The following CBX5 variants were observed in gnomAD, a reference collection of about 807,000 sequenced individuals.
The protein encoded by CBX5 is chromobox protein homolog 5.
Under a neutral mutation model 20.7 loss-of-function variants are expected in CBX5, and 7 were observed. The observed-to-expected ratio is 0.34, with a 90% CI of 0.19 to 0.63. CBX5 has a LOEUF of 0.63. CBX5 is among the 30% of genes least tolerant of loss of function. The probability of loss-of-function intolerance (pLI) is 0.75; values close to 1 mark genes in which losing one functional copy is unlikely to be tolerated. For synonymous variants in CBX5, 78 were observed against 77.0 expected, an observed-to-expected ratio of 1.01 and a Z score of -0.07; for missense variants, 110 against 224.1, an observed-to-expected ratio of 0.49 and a Z score of 3.25.
intron 1 of CBX5, chr12:54,273,510 T>A (rs1226317315): frequency 6.6e-6 from 1 of 152,206 alleles, no homozygotes; most frequent in Non-Finnish European, 1.5e-5. Flanking sequence ...ATATTTTAAA[T>A]CTGCTCTCTC....
rs1308975994 is a variant in CBX5 at position 54,240,017 on chromosome 12, G to C, written c.*1738C>G. ...GGTAGATGCTCCTGGCCAGACAGCT[G>C]TATGTTTTAAAAATCAAAAACAACA... On this transcript the variant is annotated 3_prime_UTR_variant, in exon 5 of 5. Transcript: ENST00000209875. 1 of 152,168 alleles carries C rather than the reference G, an allele frequency of 6.6e-6. No homozygotes were observed. The highest frequency in any genetic ancestry group is 1.5e-5 in the Non-Finnish European group (1 of 68,036). 9.4% of individuals were successfully genotyped at this position (152,168 alleles called of 1,614,324 possible). A position where few individuals can be genotyped will look rare whatever the true frequency, so the allele number is the denominator to read the frequency against.
At chr12:54,257,394 T>G in intron 2 of CBX5, 120 bp downstream of exon 2, 1 of 962,988 alleles carries the variant, frequency 1.0e-6, no homozygotes, top group Non-Finnish European at 1.6e-6. Flanking sequence ...GTCTTCTAAC[T>G]CTTAGGAAGA....
rs1304955968 is a variant in CBX5 at position 54,231,884 on chromosome 12, G to C, written c.*9871C>G. On this transcript the variant is annotated 3_prime_UTR_variant, in exon 5 of 5. Coordinates refer to ENST00000209875, the MANE Select transcript of CBX5 (RefSeq NM_012117.3). ...GGTGGTCACATTTATTCAATCAGCT[G>C]GTCCCTATGAGGAAGGAGAGGCCCA... 3 of 152,050 alleles carry C rather than the reference G, an allele frequency of 2.0e-5. No homozygotes were observed. The highest frequency in any genetic ancestry group is 7.3e-5 in the African/African-American group (3 of 41,266). 9.4% of individuals were successfully genotyped at this position (152,050 alleles called of 1,614,324 possible).
intron 1 of CBX5, among the ~76,000 whole-genome samples, chr12:54,274,652 CAA>C (rs2137032955): frequency 1.3e-5 from 2 of 152,194 alleles, no homozygotes; most frequent in Admixed American, 6.5e-5. Context: ...TTAAAGACCT[CAA>C]TAGAGCCGGG....
chr12:54,272,681 T>C (rs1197810718), intron 1 of CBX5: 3 of 152,234 alleles, frequency 2.0e-5, no homozygotes, highest in Admixed American at 6.5e-5. Context: ...AGCTCAGTCT[T>C]CCATCCTTCA....
chr12:54,261,205 A>G (rs1395526756), intron 1 of CBX5, among the ~76,000 whole-genome samples: 1 of 151,582 alleles, frequency 6.6e-6, no homozygotes, highest in African/African-American at 2.4e-5. Context: ...AAAAAAAAAA[A>G]GAACTCAGTT....
At chr12:54,279,412 G>A (rs1361322566) in intron 1 of CBX5, among the ~76,000 whole-genome samples, 2 of 152,110 alleles carry the variant, frequency 1.3e-5, no homozygotes, top group Admixed American at 6.5e-5. Context: ...GAGGTGTATG[G>A]GACTGAGGCC....
chr12:54,236,954 C>T lies in CBX5; in HGVS notation c.*4801G>A, dbSNP rs1395829558. ...GCCTGAACATAGGGAAAATGGACTG[C>T]TGGGTGGCTACAGAACAGGAATGAA... is the stretch of plus-strand genomic sequence containing the variant. On this transcript the variant is annotated 3_prime_UTR_variant, in exon 5 of 5. Transcript: ENST00000209875. The T allele has an allele frequency of 6.6e-6, 1 of 152,172 alleles. No individual in the cohort carries two copies. Among genetic ancestry groups the T allele is most frequent in the Non-Finnish European group, 1.5e-5 (1 of 68,038 alleles). 9.4% of individuals were successfully genotyped at this position (152,172 alleles called of 1,614,324 possible).
chr12:54,252,251 TAA>T (rs748820409), intron 2 of CBX5, 24 bp from the exon 3 acceptor site: 18 of 1,023,418 alleles, frequency 1.8e-5, no homozygotes, highest in South Asian at 7.1e-5. Context: ...ATGGGAAAAT[TAA>T]AAAAAAAAGG....
At position 54,232,836 on chromosome 12, in the gene CBX5, C is replaced by A. The variant is rs776459893; in HGVS notation, c.*8919G>T. On this transcript the variant is annotated 3_prime_UTR_variant, in exon 5 of 5. Transcript: ENST00000209875. ...GAATTATTTTGTAAAGAAATATTCA[C>A]TTTATCTTAGGAGGTGAAGGACTAA... 6.6e-6 allele frequency: 1 copy of A among 152,092 alleles called. No individual in the cohort carries two copies. The highest frequency in any genetic ancestry group is 1.5e-5 in the Non-Finnish European group (1 of 68,024). The allele number at this position is 152,092 out of a possible 1,614,324, so 9.4% of individuals were successfully genotyped here.
chr12:54,257,759 T>A (rs774526262), intron 1 of CBX5, 67 bp from the exon 2 acceptor site: 32 of 1,256,198 alleles, frequency 2.5e-5, no homozygotes, highest in Non-Finnish European at 3.6e-5. Context: ...CTTTTCTTGA[T>A]GGGATGAAAA....
Position 54,231,669 on chromosome 12 carries a change from C to A in CBX5, c.*10086G>T, listed in dbSNP as rs951583746. On this transcript the variant is annotated 3_prime_UTR_variant, in exon 5 of 5. Coordinates refer to ENST00000209875, the MANE Select transcript of CBX5 (RefSeq NM_012117.3). ...ACACCTGGCCAAGTAGAAATAGTGT[C>A]CAAAGTTTTCTCAAACCAGAGGGAA... 2 of 152,206 alleles carry A rather than the reference C, an allele frequency of 1.3e-5. No homozygotes were observed. Among genetic ancestry groups the A allele is most frequent in the African/African-American group, 4.8e-5 (2 of 41,428 alleles). 9.4% of individuals were successfully genotyped at this position (152,206 alleles called of 1,614,324 possible). A position where few individuals can be genotyped will look rare whatever the true frequency, so the allele number is the denominator to read the frequency against.
chr12:54,269,451 C>G (rs1313392711), intron 1 of CBX5, among the ~76,000 whole-genome samples: 1 of 151,820 alleles, frequency 6.6e-6, no homozygotes, highest in East Asian at 1.9e-4. Context: ...TGCGGTGGTG[C>G]AATCTCAGCT....
intron 3 of CBX5, among the ~76,000 whole-genome samples, chr12:54,247,734 C>G (rs1046775591): frequency 6.6e-6 from 1 of 151,802 alleles, no homozygotes; most frequent in Non-Finnish European, 1.5e-5. Flanking sequence ...AGTGCAGTGG[C>G]GCAATCTCAG....
Position 54,236,721 on chromosome 12 carries a change from T to C in CBX5, c.*5034A>G, listed in dbSNP as rs1356580345. ...TAAATTGTGAGAAACCATTTCCACA[T>C]TTCAGATCTAACGGTGTTCTCATGA... On this transcript the variant is annotated 3_prime_UTR_variant, in exon 5 of 5. Coordinates refer to ENST00000209875, the MANE Select transcript of CBX5 (RefSeq NM_012117.3). 2 of 152,196 alleles carry C rather than the reference T, an allele frequency of 1.3e-5. No individual in the cohort carries two copies. Among genetic ancestry groups the C allele is most frequent in the African/African-American group, 2.4e-5 (1 of 41,450 alleles). 9.4% of individuals were successfully genotyped at this position (152,196 alleles called of 1,614,324 possible). A position where few individuals can be genotyped will look rare whatever the true frequency, so the allele number is the denominator to read the frequency against.
chr12:54,266,817 C>G (rs1943961514), intron 1 of CBX5, among the ~76,000 whole-genome samples: 1 of 152,056 alleles, frequency 6.6e-6, no homozygotes, highest in South Asian at 2.1e-4. Flanking sequence ...AAAATCCACT[C>G]AATTTCTTCT....
At chr12:54,251,953 G>A in intron 3 of CBX5, 88 bp downstream of exon 3, 2 of 1,244,868 alleles carry the variant, frequency 1.6e-6, no homozygotes, top group Non-Finnish European at 2.2e-6. Context: ...CCTTACAATA[G>A]AAATAACCAA....
intron 1 of CBX5, among the ~76,000 whole-genome samples, chr12:54,265,703 T>C (rs575955206): frequency 1.3e-5 from 2 of 152,252 alleles, no homozygotes; most frequent in Admixed American, 1.3e-4. Flanking sequence ...AGGCAAGAAA[T>C]GTTCTCCCAT....
At position 54,252,113 on chromosome 12, in the gene CBX5, C is replaced by T. The variant is rs1943811417; in HGVS notation, c.252G>A (p.Lys84=). 2 of 1,612,014 alleles carry T rather than the reference C, an allele frequency of 1.2e-6. No individual in the cohort carries two copies. The highest frequency in any genetic ancestry group is 8.5e-7 in the Non-Finnish European group (1 of 1,179,310). The change falls in exon 3 of 5, where the codon AAG becomes AAA. Residue 84 remains lysine, a synonymous_variant. Coordinates refer to ENST00000209875, the MANE Select transcript of CBX5 (RefSeq NM_012117.3). ...TGGATTTCCTCTTGTTACTTTCTGA[C>T]TTCTCCCTGGGTTTATTATTTTCAC... is the stretch of plus-strand genomic sequence containing the variant. The part of the protein sequence containing the change: ...KEGENNKPRE[K]SESNKRKSNF...
Sources: allele counts gnomAD v4.1 joint callset (sites outside exome capture counted in the v4.1 genomes callset), GRCh38; gene constraint gnomAD v4.1.1; transcripts MANE v1.5; gene names NCBI Gene and HGNC (gene_info 2026-07-23, HGNC 2026-07-21).